The following CADPS variants were observed in gnomAD, a reference collection of about 807,000 sequenced individuals.
The protein encoded by CADPS is calcium dependent secretion activator.
Under a neutral mutation model 167.3 loss-of-function variants are expected in CADPS, and 57 were observed. The observed-to-expected ratio is 0.34, with a 90% CI of 0.28 to 0.42. CADPS has a LOEUF of 0.42. Among genes scored for constraint, CADPS ranks in the 20% least tolerant of loss-of-function variants. CADPS has a pLI of 1.00. For missense variants in CADPS, 1,414 were observed against 1,738.1 expected (o/e 0.81, Z 3.32); for synonymous variants, 676 against 635.3 (o/e 1.06, Z -0.96).
intron 8 of CADPS, among the ~76,000 whole-genome samples, chr3:62,579,522 AAGAG>A (rs1024933786): frequency 1.5e-4 from 23 of 152,250 alleles, no homozygotes; most frequent in Middle Eastern, 3.4e-3. Flanking sequence ...AAAACAGAGT[AAGAG>A]AGAGAGGGAG....
intron 27 of CADPS, among the ~76,000 whole-genome samples, chr3:62,442,600 ACTC>A (rs1418022328): frequency 6.6e-6 from 1 of 152,094 alleles, no homozygotes; most frequent in African/African-American, 2.4e-5. Context: ...TGGTGTAAAT[ACTC>A]CCATCAAGGC....
At position 62,474,170 on chromosome 3, in the gene CADPS, T is replaced by TTTTTTTTTTTTTTTTTAA; in HGVS notation, c.3477+2_3477+3insTTAAAAAAAAAAAAAAAA. The TTTTTTTTTTTTTTTTTAA allele has an allele frequency of 1.0e-5, 15 of 1,475,378 alleles. No individual in the cohort carries two copies. The highest frequency in any genetic ancestry group is 1.2e-5 in the Non-Finnish European group (13 of 1,105,866). The allele number at this position is 1,475,378 out of a possible 1,614,324, so 91.4% of individuals were successfully genotyped here. ...AAATCTGTATTTTTTTTTTTTTTTT[T>TTTTTTTTTTTTTTTTTAA]ACCTCTTGGCCCATTTCCATGCTGC... On this transcript the variant is annotated splice_region_variant and intron_variant, in intron 24 of 29. Coordinates refer to ENST00000383710, the MANE Select transcript of CADPS (RefSeq NM_003716.4).
intron 21 of CADPS, among the ~76,000 whole-genome samples, chr3:62,487,475 G>A (rs1310603733): frequency 6.6e-6 from 1 of 152,156 alleles, no homozygotes; most frequent in East Asian, 1.9e-4. Context: ...GAGGGCCATG[G>A]GCTCCAGATT....
At chr3:62,757,656 T>A (rs1282029565) in intron 2 of CADPS, among the ~76,000 whole-genome samples, 1 of 152,176 alleles carries the variant, frequency 6.6e-6, no homozygotes, top group East Asian at 1.9e-4. Flanking sequence ...ATAAAGATGT[T>A]GGCACTTGGG....
chr3:62,793,423 G>A (rs2093125217), intron 1 of CADPS, among the ~76,000 whole-genome samples: 2 of 152,146 alleles, frequency 1.3e-5, no homozygotes, highest in Admixed American at 6.5e-5. Flanking sequence ...GAGTTTGGAG[G>A]AAGACGTTCA....
rs4019273 is a variant in CADPS, at chr3:62,631,109, T to TAC, written c.1325+14611_1325+14612dup. The stretch of plus-strand genomic sequence containing the variant: ...TACTTTAAAAACTTTATCTGTATAA[T>TAC]ACACACACACACACACACACACACA... On this transcript the variant is annotated intron_variant, in intron 6 of 29. Transcript: ENST00000383710. Among the ~76,000 whole-genome samples the TAC allele has an allele frequency of 6.1e-3, 912 of 149,436 alleles. 5 individuals are homozygous for TAC. Among genetic ancestry groups the TAC allele is most frequent in the East Asian group, 0.042 (216 of 5,102 alleles).
intron 11 of CADPS, among the ~76,000 whole-genome samples, chr3:62,538,158 A>T (rs938894891): frequency 6.6e-6 from 1 of 152,130 alleles, no homozygotes; most frequent in Non-Finnish European, 1.5e-5. Flanking sequence ...ATTTATCCTC[A>T]GGAAAGTGCT....
At chr3:62,635,291 A>G (rs1432602100) in intron 6 of CADPS, among the ~76,000 whole-genome samples, 1 of 152,168 alleles carries the variant, frequency 6.6e-6, no homozygotes, top group African/African-American at 2.4e-5. Flanking sequence ...AACTGGGACA[A>G]CACACCCAGA....
chr3:62,656,753 AG>A (rs1219224285), intron 4 of CADPS, among the ~76,000 whole-genome samples: 1 of 152,196 alleles, frequency 6.6e-6, no homozygotes, highest in Non-Finnish European at 1.5e-5. Context: ...TTGTCAAAAT[AG>A]GCATTGCAGA....
At position 62,553,107 on chromosome 3, in the gene CADPS, G is replaced by A. The variant is rs972852272; in HGVS notation, c.1754-2992C>T. Among the ~76,000 whole-genome samples, 7 of 152,270 alleles carry A rather than the reference G, an allele frequency of 4.6e-5. 1 individual carries two copies. The highest frequency in any genetic ancestry group is 2.0e-4 in the Admixed American group (3 of 15,296). ...CTCGTGGTATCCTTAGGAATAAGCT[G>A]TTTTGCTACAGTCAGGGAATGCCAG... On this transcript the variant is annotated intron_variant, in intron 10 of 29. Coordinates refer to ENST00000383710, the MANE Select transcript of CADPS (RefSeq NM_003716.4).
chr3:62,512,249 C>T (rs1036905576), intron 17 of CADPS, among the ~76,000 whole-genome samples: 6 of 152,098 alleles, frequency 3.9e-5, no homozygotes, highest in Non-Finnish European at 2.9e-5. Flanking sequence ...ATACAACTTC[C>T]AGCAACAGCC....
At chr3:62,444,954 C>T (rs1329774188) in intron 27 of CADPS, among the ~76,000 whole-genome samples, 2 of 152,164 alleles carry the variant, frequency 1.3e-5, no homozygotes, top group Non-Finnish European at 1.5e-5. Flanking sequence ...TTATAATAGA[C>T]TCACACCTCT....
chr3:62,708,953 A>C (rs189427835), intron 3 of CADPS, among the ~76,000 whole-genome samples: 2 of 151,982 alleles, frequency 1.3e-5, no homozygotes, highest in Non-Finnish European at 2.9e-5. Context: ...CAAGGGCTCC[A>C]CCCTGGGAGG....
chr3:62,550,876 A>C (rs2077212083), intron 10 of CADPS: 1 of 456,482 alleles, frequency 2.2e-6, no homozygotes. Flanking sequence ...CCTTCTCTTC[A>C]AGATGCTTTC....
chr3:62,823,619 T>C (rs1274178433), intron 1 of CADPS, among the ~76,000 whole-genome samples: 1 of 152,194 alleles, frequency 6.6e-6, no homozygotes, highest in Non-Finnish European at 1.5e-5. Context: ...AGCTGTAGTT[T>C]GCAAATTCAA....
At chr3:62,489,725 G>A (rs1375680287) in intron 21 of CADPS, among the ~76,000 whole-genome samples, 1 of 152,156 alleles carries the variant, frequency 6.6e-6, no homozygotes, top group Admixed American at 6.5e-5. Flanking sequence ...TTAAGTGCAA[G>A]TAAGTAAATG....
intron 6 of CADPS, among the ~76,000 whole-genome samples, chr3:62,622,031 C>T (rs1305832264): frequency 6.6e-6 from 1 of 152,072 alleles, no homozygotes; most frequent in Non-Finnish European, 1.5e-5. Context: ...GTCCTCTGTG[C>T]ACCTTTCTGG....
chr3:62,598,917 C>T (rs1275741487), intron 6 of CADPS, among the ~76,000 whole-genome samples: 5 of 152,120 alleles, frequency 3.3e-5, no homozygotes, highest in East Asian at 3.9e-4. Context: ...ATTTATTTCA[C>T]GTGTTCAATA....
At chr3:62,498,746 G>A (rs759697227) in intron 18 of CADPS, among the ~76,000 whole-genome samples, 3 of 151,388 alleles carry the variant, frequency 2.0e-5, no homozygotes, top group Non-Finnish European at 4.4e-5. Context: ...TACAAGCAGA[G>A]TAAGTTACCG....
Sources: gnomAD v4.1 joint callset for allele counts (sites outside exome capture counted in the v4.1 genomes callset) on GRCh38, gnomAD v4.1.1 for gene constraint, MANE v1.5 for transcripts, NCBI Gene and HGNC (gene_info 2026-07-23, HGNC 2026-07-21) for gene names.